Variants in CBY1 observed in about 807,000 individuals in gnomAD.
CBY1 encodes chibby 1, beta catenin antagonist, also known as protein chibby homolog 1.
Under a neutral mutation model 15.6 loss-of-function variants are expected in CBY1, and 10 were observed. The observed-to-expected ratio is 0.64, with a 90% confidence interval of 0.40 to 1.09. The LOEUF (loss-of-function observed/expected upper bound fraction) is 1.09, where lower values mean the gene tolerates loss of function less well. CBY1 is among the 50% of genes least tolerant of loss of function. The probability of loss-of-function intolerance (pLI) is 0.01; values close to 1 mark genes in which losing one functional copy is unlikely to be tolerated. For missense variants in CBY1, 150 were observed against 160.5 expected, an observed-to-expected ratio of 0.93 and a Z score of 0.35; for synonymous variants, 61 against 63.5, an observed-to-expected ratio of 0.96 and a Z score of 0.19.
rs928213547 is a variant in CBY1, at chr22:38,656,649, G to C, written c.-140G>C. 1.3e-5 allele frequency: 2 copies of C among 152,400 alleles called. No homozygotes were observed. Among genetic ancestry groups the C allele is most frequent in the Non-Finnish European group, 2.9e-5 (2 of 68,256 alleles). 9.4% of individuals were successfully genotyped at this position (152,400 alleles called of 1,614,324 possible). ...GGGCGGGGCAGCGCATGCGCGTGGC[G>C]GGCAGGCGGCAGGAGGCGGGTGGGT... On this transcript the variant is annotated 5_prime_UTR_variant, in exon 1 of 5. Transcript: ENST00000216029.
chr22:38,671,261 AAC>A, intron 4 of CBY1, 73 bp downstream of exon 4: 1 of 1,114,160 alleles, frequency 9.0e-7, no homozygotes, highest in Non-Finnish European at 1.4e-6. Flanking sequence ...CACTTAATCC[AAC>A]AGATATCTCC....
chr22:38,671,554 G>C (rs942224755), intron 4 of CBY1: 1 of 285,942 alleles, frequency 3.5e-6, no homozygotes, highest in Non-Finnish European at 6.8e-6. Context: ...AAGAGGGGTA[G>C]AGCCGGCTCA....
chr22:38,669,259 C>T (rs749522738), intron 2 of CBY1, among the ~76,000 whole-genome samples: 1 of 152,182 alleles, frequency 6.6e-6, no homozygotes, highest in Non-Finnish European at 1.5e-5. Flanking sequence ...GGTGGCCTCA[C>T]TCCAGCTCTC....
In CBY1 at chr22:38,668,014, TAGG is replaced by T; in HGVS notation, c.-38_-36del. The T allele has an allele frequency of 6.3e-7, 1 of 1,592,158 alleles. No homozygotes were observed. The highest frequency in any genetic ancestry group is 8.6e-7 in the Non-Finnish European group (1 of 1,160,584). ...TTGTACCCCTGACTTTTTCTGACCC[TAGG>T]AGAAGGGAGCACTGGCTTTGCTTTC... On this transcript the variant is annotated splice_acceptor_variant and 5_prime_UTR_variant, in exon 2 of 5. Transcript: ENST00000216029. LOFTEE classifies it low-confidence loss of function (5UTR_SPLICE).
At chr22:38,660,406 G>A (rs538855702) in intron 1 of CBY1, among the ~76,000 whole-genome samples, 1 of 152,028 alleles carries the variant, frequency 6.6e-6, no homozygotes. Context: ...TGTTGGCCAG[G>A]CTGGTCCTGA....
chr22:38,670,744 T>C (rs188754832), intron 2 of CBY1, 140 bp from the exon 3 acceptor site: 5 of 644,568 alleles, frequency 7.8e-6, no homozygotes, highest in South Asian at 5.4e-5. Flanking sequence ...TTTGATTTTA[T>C]GGCTTTAAAA....
At chr22:38,671,271 T>G in intron 4 of CBY1, 83 bp downstream of exon 4, 1 of 1,034,128 alleles carries the variant, frequency 9.7e-7, no homozygotes, top group Non-Finnish European at 1.5e-6. Flanking sequence ...AACAGATATC[T>G]CCTCAATGCC....
chr22:38,658,100 A>G (rs1413938690), intron 1 of CBY1, among the ~76,000 whole-genome samples: 2 of 151,786 alleles, frequency 1.3e-5, no homozygotes, highest in African/African-American at 4.8e-5. Flanking sequence ...AGTTTGGTGT[A>G]TCCTTCCAGA....
rs539371155 is a variant in CBY1, at chr22:38,664,116, G to A, written c.-38-3901G>A. 4.9e-4 allele frequency among the ~76,000 whole-genome samples: 74 copies of A among 151,838 alleles called. No individual in the cohort carries two copies. The Middle Eastern group carries it at 0.01, about 21-fold the overall frequency. ...TACAGTAGTGAAACTTGTATCCAGC[G>A]TATATAAATACCCTTACAAACCCTT... On this transcript the variant is annotated intron_variant, in intron 1 of 4. Coordinates refer to ENST00000216029, the MANE Select transcript of CBY1 (RefSeq NM_015373.4).
chr22:38,670,839 G>A (rs1187031711), intron 2 of CBY1, 45 bp from the exon 3 acceptor site: 10 of 1,299,336 alleles, frequency 7.7e-6, no homozygotes, highest in Admixed American at 3.4e-5. Context: ...GGATGAAGGC[G>A]TGTTCCGGGC....
intron 1 of CBY1, among the ~76,000 whole-genome samples, chr22:38,664,912 C>T (rs5750658): frequency 0.29 from 44,647 of 151,802 alleles, 6,660 homozygotes; most frequent in East Asian, 0.36. Flanking sequence ...GTGGTGATCA[C>T]AGCTCACTGC....
At chr22:38,671,402 T>A (rs968564015) in intron 4 of CBY1, 1 of 558,920 alleles carries the variant, frequency 1.8e-6, no homozygotes. Flanking sequence ...AAGGACCCAG[T>A]TGGAGTCTGC....
intron 2 of CBY1, among the ~76,000 whole-genome samples, chr22:38,669,035 G>GTT (rs1037778390): frequency 6.6e-6 from 1 of 152,166 alleles, no homozygotes; most frequent in Non-Finnish European, 1.5e-5. Context: ...CCCACACAGC[G>GTT]TAAGAGCAGC....
At chr22:38,656,999 T>C in intron 1 of CBY1, 1 of 209,020 alleles carries the variant, frequency 4.8e-6, no homozygotes, top group Non-Finnish European at 8.3e-6. Flanking sequence ...TGTGAACGTT[T>C]GTTGACAGCT....
intron 4 of CBY1, among the ~76,000 whole-genome samples, chr22:38,672,069 C>G (rs573549355): frequency 2.6e-5 from 4 of 151,684 alleles, no homozygotes; most frequent in Non-Finnish European, 5.9e-5. Context: ...CGAGACCAGC[C>G]TGACCAACAT....
chr22:38,657,120 C>T (rs1321066365), intron 1 of CBY1: 7 of 984,040 alleles, frequency 7.1e-6, no homozygotes, highest in Non-Finnish European at 8.4e-6. Flanking sequence ...CCAGAGATTC[C>T]GCCCTTGTTT....
At chr22:38,660,868 T>C (rs140804353) in intron 1 of CBY1, among the ~76,000 whole-genome samples, 1 of 152,164 alleles carries the variant, frequency 6.6e-6, no homozygotes, top group East Asian at 1.9e-4. Context: ...TCCAGAACTT[T>C]ATTCATGGAT....
intron 1 of CBY1, chr22:38,667,421 G>C (rs1349524200): frequency 6.6e-6 from 1 of 152,238 alleles, no homozygotes. Context: ...CGACCCCCCA[G>C]CCTCAGCTTC....
intron 4 of CBY1, 89 bp from the exon 5 acceptor site, chr22:38,673,070 C>G (rs935324018): frequency 2.5e-5 from 20 of 813,948 alleles, no homozygotes; most frequent in East Asian, 2.7e-5. Flanking sequence ...TGGCAGGGGG[C>G]CTTTCCTCCG....
Sources: allele counts gnomAD v4.1 joint callset (sites outside exome capture counted in the v4.1 genomes callset), GRCh38; gene constraint gnomAD v4.1.1; transcripts MANE v1.5; gene names NCBI Gene and HGNC (gene_info 2026-07-23, HGNC 2026-07-21).